Variants in ARHGAP44 observed in about 807,000 individuals in gnomAD.
ARHGAP44 encodes the protein rho GTPase-activating protein 44.
A neutral mutation model predicts 106.8 loss-of-function variants in ARHGAP44; 43 were observed. The ratio of observed to expected loss-of-function variants is 0.40; its 90% CI spans 0.32 to 0.52. ARHGAP44 has a LOEUF of 0.52. Among genes scored for constraint, ARHGAP44 ranks in the 20% least tolerant of loss-of-function variants. The pLI is 0.48. For synonymous variants in ARHGAP44, 439 were observed against 410.3 expected (o/e 1.07, Z -0.85); for missense variants, 866 against 1,050.5 (o/e 0.82, Z 2.43).
intron 1 of ARHGAP44, among the ~76,000 whole-genome samples, chr17:12,811,274 C>T (rs2034432361): frequency 6.7e-6 from 1 of 149,388 alleles, no homozygotes; most frequent in South Asian, 2.1e-4. Context: ...GATCGCACCA[C>T]TGCACTCCAG....
chr17:12,869,908 A>T, intron 1 of ARHGAP44, among the ~76,000 whole-genome samples: 1 of 152,148 alleles, frequency 6.6e-6, no homozygotes, highest in East Asian at 1.9e-4. Flanking sequence ...AAGTCAATTT[A>T]TTTAAATAAC....
At chr17:12,860,557 T>G (rs2036039941) in intron 1 of ARHGAP44, among the ~76,000 whole-genome samples, 2 of 152,348 alleles carry the variant, frequency 1.3e-5, no homozygotes, top group East Asian at 3.9e-4. Context: ...CTCTACAATA[T>G]CTACAGATAC....
chr17:12,862,178 A>C (rs1456124367), intron 1 of ARHGAP44, among the ~76,000 whole-genome samples: 2 of 152,084 alleles, frequency 1.3e-5, no homozygotes, highest in Non-Finnish European at 2.9e-5. Flanking sequence ...TCCTGAGCAG[A>C]TGGGCTTTCA....
At chr17:12,969,491 A>C (rs2039474215) in intron 16 of ARHGAP44, among the ~76,000 whole-genome samples, 1 of 152,204 alleles carries the variant, frequency 6.6e-6, no homozygotes, top group Non-Finnish European at 1.5e-5. Context: ...GGATAATCAG[A>C]TAGAACTCCT....
chr17:12,974,102 G>A lies in ARHGAP44; in HGVS notation c.1555G>A (p.Val519Ile). 6.4e-7 allele frequency: 1 copy of A among 1,569,062 alleles called. No individual in the cohort carries two copies. Among genetic ancestry groups the A allele is most frequent in the East Asian group, 2.4e-5 (1 of 42,370 alleles). The change falls in exon 18 of 21, where the codon GTC becomes ATC. Residue 519 changes from valine (V) to isoleucine (I), a missense_variant. Coordinates refer to ENST00000379672, the MANE Select transcript of ARHGAP44 (RefSeq NM_014859.6). ...LRKIQSMGVRVMDTNWVARRG... is the reference protein window; with the variant it reads ...LRKIQSMGVRIMDTNWVARRG... ...GTCCCTCGCCAGCATGGGTGTGAGG[G>A]TCATGGACACAAACTGGGTGGCTCG...
rs2034475222 is a variant in ARHGAP44 at position 12,812,714 on chromosome 17, A to C, written c.53+22823A>C. 2.0e-5 allele frequency among the ~76,000 whole-genome samples: 3 copies of C among 152,226 alleles called. No homozygotes were observed. The East Asian group carries it at 5.8e-4, about 29-fold the overall frequency. The stretch of plus-strand genomic sequence containing the variant: ...GTTAACATGCTCACAAGTGCATAGA[A>C]GATCTCTGGAAGAATATAAAAAGTT... On this transcript the variant is annotated intron_variant, in intron 1 of 20. Coordinates refer to ENST00000379672, the MANE Select transcript of ARHGAP44 (RefSeq NM_014859.6).
chr17:12,921,861 T>G (rs898065017), intron 6 of ARHGAP44, among the ~76,000 whole-genome samples: 1 of 152,158 alleles, frequency 6.6e-6, no homozygotes, highest in African/African-American at 2.4e-5. Flanking sequence ...TGTAAGTAAT[T>G]GTTGCACTGG....
intron 1 of ARHGAP44, among the ~76,000 whole-genome samples, chr17:12,811,911 C>T (rs955140969): frequency 1.3e-5 from 2 of 152,162 alleles, no homozygotes; most frequent in African/African-American, 4.8e-5. Context: ...ACCCTACTTC[C>T]ACTACAACCT....
Position 12,958,910 on chromosome 17 carries a change from G to A in ARHGAP44, c.1523+13G>A, listed in dbSNP as rs1425835351. 1.9e-6 allele frequency: 3 copies of A among 1,597,086 alleles called. No individual in the cohort carries two copies. The highest frequency in any genetic ancestry group is 2.6e-6 in the Non-Finnish European group (3 of 1,171,502). ...ACAAAAAGGATGGGTATGAACTGGT[G>A]TCTCTTTCTCAGCACTGGGGATTAG... On this transcript the variant is annotated intron_variant, in intron 16 of 20. Transcript: ENST00000379672. The surrounding 1 kb of genome is among the most constrained non-coding windows in gnomAD (Gnocchi z 4.1).
chr17:12,833,171 A>G (rs972591426), intron 1 of ARHGAP44, among the ~76,000 whole-genome samples: 4 of 152,172 alleles, frequency 2.6e-5, no homozygotes, highest in African/African-American at 9.7e-5. Flanking sequence ...ACTGGATAGG[A>G]GTAAAGTTTG....
chr17:12,875,775 C>G (rs1597981619), intron 1 of ARHGAP44, among the ~76,000 whole-genome samples: 1 of 152,102 alleles, frequency 6.6e-6, no homozygotes, highest in South Asian at 2.1e-4. Context: ...GAAACCCCGT[C>G]TCTACTAAAA....
At chr17:12,948,903 C>A (rs2038927323) in intron 10 of ARHGAP44, among the ~76,000 whole-genome samples, 1 of 152,170 alleles carries the variant, frequency 6.6e-6, no homozygotes, top group East Asian at 1.9e-4. Context: ...GTGTGATGAG[C>A]CACCCCTGCC....
intron 4 of ARHGAP44, among the ~76,000 whole-genome samples, chr17:12,913,851 C>G (rs941210339): frequency 6.6e-6 from 1 of 151,928 alleles, no homozygotes; most frequent in East Asian, 1.9e-4. Flanking sequence ...CACCTGTAAT[C>G]CCAGCCACTC....
intron 3 of ARHGAP44, among the ~76,000 whole-genome samples, chr17:12,907,386 CAGTT>C (rs1435959214): frequency 6.6e-6 from 1 of 152,146 alleles, no homozygotes; most frequent in African/African-American, 2.4e-5. Flanking sequence ...GTGGTTTTAA[CAGTT>C]AGTCTATTTA....
rs201850292 is a variant in ARHGAP44, at chr17:12,957,073, CT to C, written c.1342+328del. ...TCAAGCAATTCTCCTGCCTCACCCC[CT>C]CTACCCACTGAGTAGCTGGGATTAC... On this transcript the variant is annotated intron_variant, in intron 15 of 20. Transcript: ENST00000379672. Among the ~76,000 whole-genome samples the C allele has an allele frequency of 2.2e-3, 331 of 149,092 alleles. 2 individuals are homozygous for C. Among genetic ancestry groups the C allele is most frequent in the African/African-American group, 7.9e-3 (317 of 40,112 alleles).
intron 13 of ARHGAP44, 55 bp from the exon 14 acceptor site, chr17:12,955,812 G>GA: frequency 1.8e-6 from 2 of 1,099,398 alleles, no homozygotes; most frequent in Non-Finnish European, 2.7e-6. Flanking sequence ...AGTCCCCGGG[G>GA]GACATGGCTG....
intron 1 of ARHGAP44, among the ~76,000 whole-genome samples, chr17:12,835,630 A>T (rs1483770331): frequency 1.3e-5 from 2 of 152,206 alleles, no homozygotes; most frequent in Non-Finnish European, 2.9e-5. Flanking sequence ...ATTTTATTTA[A>T]TTAAAAAAAA....
intron 1 of ARHGAP44, among the ~76,000 whole-genome samples, chr17:12,894,505 C>T (rs1035594364): frequency 5.3e-5 from 8 of 152,138 alleles, no homozygotes; most frequent in African/African-American, 1.9e-4. Flanking sequence ...GGTTGCCAGA[C>T]CGTGGTGGTG....
intron 1 of ARHGAP44, among the ~76,000 whole-genome samples, chr17:12,844,183 T>C (rs1242397291): frequency 6.6e-6 from 1 of 152,190 alleles, no homozygotes; most frequent in Non-Finnish European, 1.5e-5. Context: ...TCTCTTAGGC[T>C]GTTTTCTGTT....
Sources: allele counts gnomAD v4.1 joint callset (sites outside exome capture counted in the v4.1 genomes callset), GRCh38; gene constraint gnomAD v4.1.1; non-coding constraint Gnocchi (gnomAD v3.1); transcripts MANE v1.5; gene names NCBI Gene and HGNC (gene_info 2026-07-23, HGNC 2026-07-21).